The following MOCOS variants were observed in gnomAD, a reference collection of about 807,000 sequenced individuals.
The protein encoded by MOCOS is human molybdenum cofactor sulfurase.
MOCOS carries 86 observed loss-of-function variants against 83.6 expected under a neutral mutation model. The ratio of observed to expected loss-of-function variants is 1.03; its 90% CI spans 0.86 to 1.23. MOCOS has a LOEUF of 1.23. MOCOS is among the 50% of genes most tolerant of loss of function. The pLI, the probability that MOCOS is intolerant of heterozygous loss-of-function variation, is 0.00. For synonymous variants in MOCOS, 445 were observed against 434.7 expected (o/e 1.02, Z -0.29); for missense variants, 1,120 against 1,126.9 (o/e 0.99, Z 0.09).
chr18:36,211,605 G>T (rs890793473), intron 6 of MOCOS, among the ~76,000 whole-genome samples: 4 of 152,024 alleles, frequency 2.6e-5, no homozygotes, highest in Non-Finnish European at 4.4e-5. Flanking sequence ...TGCTCATCCT[G>T]CCATAGAAAA....
intron 7 of MOCOS, 107 bp downstream of exon 7, chr18:36,213,589 A>G: frequency 1.1e-6 from 1 of 894,552 alleles, no homozygotes; most frequent in Non-Finnish European, 1.9e-6. Flanking sequence ...TCATTTCTCC[A>G]CGCCTACTCT....
At position 36,270,504 on chromosome 18, in the gene MOCOS, G is replaced by C. The variant is rs2144165404; in HGVS notation, c.*1819G>C. On this transcript the variant is annotated 3_prime_UTR_variant, in exon 15 of 15. Coordinates refer to ENST00000261326, the MANE Select transcript of MOCOS (RefSeq NM_017947.4). ...CTGACGTGGGCAGATCATGAGGTCA[G>C]GAGATCGAGACCATCCTGGCTAACA... The C allele has an allele frequency of 6.6e-6, 1 of 152,158 alleles. No homozygotes were observed. The highest frequency in any genetic ancestry group is 2.4e-5 in the African/African-American group (1 of 41,514). 9.4% of individuals were successfully genotyped at this position (152,158 alleles called of 1,614,324 possible).
Position 36,269,504 on chromosome 18 carries a change from C to T in MOCOS, c.*819C>T, listed in dbSNP as rs1023844407. Reference sequence around the variant, plus strand: ...GTCTGTATCATCTTTGACCACTGCTCCTGCAGCCTCCAGATGAAAATGTCC... The same window carrying T: ...GTCTGTATCATCTTTGACCACTGCTTCTGCAGCCTCCAGATGAAAATGTCC... On this transcript the variant is annotated 3_prime_UTR_variant, in exon 15 of 15. Coordinates refer to ENST00000261326, the MANE Select transcript of MOCOS (RefSeq NM_017947.4). The T allele has an allele frequency of 6.6e-6, 1 of 152,266 alleles. No homozygotes were observed. Among genetic ancestry groups the T allele is most frequent in the African/African-American group, 2.4e-5 (1 of 41,452 alleles). The allele number at this position is 152,266 out of a possible 1,614,324, so 9.4% of individuals were successfully genotyped here.
chr18:36,222,069 ATC>A (rs1333395118), intron 9 of MOCOS, among the ~76,000 whole-genome samples: 1 of 152,184 alleles, frequency 6.6e-6, no homozygotes, highest in Non-Finnish European at 1.5e-5. Context: ...ATATTGCAGA[ATC>A]TCTTTTAAGA....
chr18:36,228,083 C>T (rs1320197123), intron 9 of MOCOS, among the ~76,000 whole-genome samples: 1 of 152,134 alleles, frequency 6.6e-6, no homozygotes, highest in Non-Finnish European at 1.5e-5. Context: ...AAAAAAAGCT[C>T]AACATCACTG....
At chr18:36,193,317 CAAAAAAAAAAAAAAAAAAAAA>C (rs555145311) in intron 1 of MOCOS, among the ~76,000 whole-genome samples, 5 of 38,310 alleles carry the variant, frequency 1.3e-4, no homozygotes, top group Admixed American at 4.8e-4. Context: ...GACTCCGTCT[CAAAAAAAAAAAAAAAAAAAAA>C]AAAAAAAAAA....
At chr18:36,236,806 G>C (rs1199256755) in intron 9 of MOCOS, among the ~76,000 whole-genome samples, 15 of 140,434 alleles carry the variant, frequency 1.1e-4, no homozygotes, top group South Asian at 4.5e-4. Context: ...CTTTTATTTC[G>C]TTGAGCAGTG....
chr18:36,262,250 T>TACACACACACAC lies in MOCOS; in HGVS notation c.2409+2090_2409+2101dup, dbSNP rs71168212. On this transcript the variant is annotated intron_variant, in intron 13 of 14. Transcript: ENST00000261326. Reference sequence around the variant, plus strand: ...AGCATAGCAAGACTTCGTCTCTCTCTACACACACACACACACACACACACA... The same window carrying TACACACACACAC: ...AGCATAGCAAGACTTCGTCTCTCTCTACACACACACACACACACACACACACACACACACACA... Among the ~76,000 whole-genome samples the TACACACACACAC allele has an allele frequency of 1.4e-3, 181 of 127,906 alleles. 4 individuals carry two copies. The highest frequency in any genetic ancestry group is 2.0e-3 in the Admixed American group (25 of 12,704). 83.9% of individuals were successfully genotyped at this position (127,906 alleles called of 152,430 possible). A position where few individuals can be genotyped will look rare whatever the true frequency, so the allele number is the denominator to read the frequency against.
chr18:36,222,702 C>T (rs1208820473), intron 9 of MOCOS, among the ~76,000 whole-genome samples: 3 of 151,410 alleles, frequency 2.0e-5, no homozygotes, highest in Non-Finnish European at 2.9e-5. Context: ...TCCAGGTTCA[C>T]GCCATTCTCC....
intron 8 of MOCOS, among the ~76,000 whole-genome samples, chr18:36,217,707 A>G (rs1738442398): frequency 6.6e-6 from 1 of 152,222 alleles, no homozygotes; most frequent in Non-Finnish European, 1.5e-5. Context: ...CAGAGAAAGC[A>G]CATCCTTGCT....
At chr18:36,195,164 A>T in intron 1 of MOCOS, 93 bp from the exon 2 acceptor site, 2 of 1,032,676 alleles carry the variant, frequency 1.9e-6, no homozygotes, top group South Asian at 2.5e-5. Context: ...CAGTGGCCTG[A>T]TGTTACGTCT....
rs1351846112 is a variant in MOCOS at position 36,215,676 on chromosome 18, C to T, written c.1496C>T (p.Pro499Leu). ...CACTCATCAGGGGACTGGCCTGTCC[C>T]TCAGGCCCATGCTGACACCGGGGAG... is the stretch of plus-strand genomic sequence containing the variant. ...RLHSSGDWPV[P>L]QAHADTGETG... is the part of the protein sequence containing the mutation. Residue 499 changes from proline to leucine, a missense_variant, in exon 8 of 15, where the codon CCT becomes CTT. Coordinates refer to ENST00000261326, the MANE Select transcript of MOCOS (RefSeq NM_017947.4). The T allele has an allele frequency of 5.0e-6, 8 of 1,614,080 alleles. No individual in the cohort carries two copies. The African/African-American group carries it at 1.1e-4, about 22-fold the overall frequency.
chr18:36,201,041 G>A (rs1451119550), intron 4 of MOCOS, among the ~76,000 whole-genome samples: 2 of 152,230 alleles, frequency 1.3e-5, no homozygotes, highest in Non-Finnish European at 2.9e-5. Flanking sequence ...GCTGGGACCT[G>A]TAAGGTCGAG....
chr18:36,267,989 C>G (rs912753160), intron 14 of MOCOS, among the ~76,000 whole-genome samples: 1 of 152,164 alleles, frequency 6.6e-6, no homozygotes, highest in Non-Finnish European at 1.5e-5. Context: ...ACTAACAGAT[C>G]GGAGAGCATG....
rs36075117 is a variant in MOCOS at position 36,226,888 on chromosome 18, CT to C, written c.1960+6687del. Among the ~76,000 whole-genome samples, 581 of 137,538 alleles carry C rather than the reference CT, an allele frequency of 4.2e-3. 1 individual carries two copies. The highest frequency in any genetic ancestry group is 0.02 in the East Asian group (94 of 4,662). The allele number at this position is 137,538 out of a possible 152,430, so 90.2% of individuals were successfully genotyped here. A position where few individuals can be genotyped will look rare whatever the true frequency, so the allele number is the denominator to read the frequency against. On this transcript the variant is annotated intron_variant, in intron 9 of 14. Transcript: ENST00000261326. ...ATTTACATCTATTCATGATGTGTAT[CT>C]TTTTTTTTTTTTTTTGAGACAGGGT...
chr18:36,227,759 T>C (rs1236246929), intron 9 of MOCOS, among the ~76,000 whole-genome samples: 1 of 152,140 alleles, frequency 6.6e-6, no homozygotes, highest in African/African-American at 2.4e-5. Context: ...GGCAATACCA[T>C]TCAGGACATA....
rs1424636697 is a variant in MOCOS at position 36,215,814 on chromosome 18, C to T, written c.1634C>T (p.Ser545Leu). 7.4e-6 allele frequency: 12 copies of T among 1,614,202 alleles called. No individual in the cohort carries two copies. Among genetic ancestry groups the T allele is most frequent in the Middle Eastern group, 1.6e-4 (1 of 6,062 alleles). Reference protein sequence around the residue: ...ALTGSRVWNNSSTVNAVPVAP... With the variant: ...ALTGSRVWNNLSTVNAVPVAP... The stretch of plus-strand genomic sequence containing the variant: ...ACAGGCTCCAGGGTTTGGAACAACT[C>T]GTCTACTGTGAATGCTGTGCCTGTG... The change falls in exon 8 of 15, where the codon TCG becomes TTG. Residue 545 changes from serine to leucine, a missense_variant. Coordinates refer to ENST00000261326, the MANE Select transcript of MOCOS (RefSeq NM_017947.4).
chr18:36,237,497 G>A (rs1382901958), intron 9 of MOCOS, among the ~76,000 whole-genome samples: 1 of 152,178 alleles, frequency 6.6e-6, no homozygotes, highest in Non-Finnish European at 1.5e-5. Context: ...TGATCATGGT[G>A]GATAAGCTTT....
At chr18:36,210,793 A>G (rs2091451878) in intron 6 of MOCOS, among the ~76,000 whole-genome samples, 1 of 140,258 alleles carries the variant, frequency 7.1e-6, no homozygotes, top group South Asian at 2.4e-4. Context: ...GGAAGTTGCC[A>G]TGAGCTGAGA....
Sources: gnomAD v4.1 joint callset for allele counts (sites outside exome capture counted in the v4.1 genomes callset) on GRCh38, gnomAD v4.1.1 for gene constraint, MANE v1.5 for transcripts, NCBI Gene and HGNC (gene_info 2026-07-23, HGNC 2026-07-21) for gene names.